Variants in MGST1 observed in about 807,000 individuals in gnomAD.
MGST1 encodes microsomal glutathione S-transferase 1, also known as glutathione S-transferase 12.
In MGST1, 5 loss-of-function variants were observed where a neutral mutation model predicts 8.9. The ratio of observed to expected loss-of-function variants is 0.56; its 90% CI spans 0.29 to 1.19. The LOEUF is 1.19. MGST1 is among the 50% of genes most tolerant of loss of function. MGST1 has a pLI of 0.08. For missense variants in MGST1, 182 were observed against 187.4 expected, an observed-to-expected ratio of 0.97 and a Z score of 0.17; for synonymous variants, 54 against 67.8, an observed-to-expected ratio of 0.80 and a Z score of 1.00.
intron 1 of MGST1, chr12:16,399,960 C>T (rs186663357): frequency 5.4e-5 from 72 of 1,339,108 alleles, no homozygotes; most frequent in East Asian, 2.5e-4. Flanking sequence ...CATTTACCAG[C>T]GCACTACTAG....
intron 4 of MGST1, among the ~76,000 whole-genome samples, chr12:16,535,927 A>T (rs982580523): frequency 2.0e-5 from 3 of 152,188 alleles, no homozygotes; most frequent in Non-Finnish European, 4.4e-5. Context: ...GTTGATAAGC[A>T]TTTTTTATCT....
chr12:16,387,255 T>C (rs1195322710), intron 1 of MGST1, among the ~76,000 whole-genome samples: 1 of 152,164 alleles, frequency 6.6e-6, no homozygotes, highest in Non-Finnish European at 1.5e-5. Context: ...TGATGGAGCA[T>C]ATATATGGCT....
At chr12:16,575,759 C>T (rs1314237200) in intron 4 of MGST1, among the ~76,000 whole-genome samples, 1 of 152,128 alleles carries the variant, frequency 6.6e-6, no homozygotes, top group African/African-American at 2.4e-5. Flanking sequence ...TCACTACTAC[C>T]TCTTAAAGAT....
At chr12:16,465,185 C>G (rs1565459876) in intron 4 of MGST1, among the ~76,000 whole-genome samples, 1 of 152,182 alleles carries the variant, frequency 6.6e-6, no homozygotes, top group Non-Finnish European at 1.5e-5. Flanking sequence ...AAGAACTCTA[C>G]TGACTTGTAG....
rs777365034 is a variant in MGST1 at position 16,560,658 on chromosome 12, C to G, written n.483-28870C>G. ...AATACACAATGCTTTATGATGTACA[C>G]AAGTGGATTTTATCCTAGGTGTATG... On this transcript the variant is annotated intron_variant and non_coding_transcript_variant, in intron 4 of 4. Coordinates refer to the MGST1 transcript ENST00000538857. The surrounding 1 kb of genome is among the most constrained non-coding windows in gnomAD (Gnocchi z 5.0). The G allele has an allele frequency of 2.7e-5, 24 of 879,060 alleles. No individual in the cohort carries two copies. In the Middle Eastern group the frequency reaches 9.2e-4, roughly 34 times the overall value. The allele number at this position is 879,060 out of a possible 1,614,324, so 54.5% of individuals were successfully genotyped here. A position where few individuals can be genotyped will look rare whatever the true frequency, so the allele number is the denominator to read the frequency against.
At chr12:16,371,986 GA>G in intron 3 of MGST1, among the ~76,000 whole-genome samples, 1 of 152,092 alleles carries the variant, frequency 6.6e-6, no homozygotes, top group Non-Finnish European at 1.5e-5. Flanking sequence ...TCCACGTGCA[GA>G]AAAAGGAAAC....
At chr12:16,440,083 A>C (rs1184140964), downstream of MGST1, among the ~76,000 whole-genome samples, 1 of 151,846 alleles carries the variant, frequency 6.6e-6, no homozygotes, top group African/African-American at 2.4e-5. Flanking sequence ...CTGTCTTCTC[A>C]ACTCAACCAA....
intron 4 of MGST1, among the ~76,000 whole-genome samples, chr12:16,583,679 T>C (rs529310927): frequency 1.3e-5 from 2 of 152,340 alleles, no homozygotes; most frequent in Admixed American, 1.3e-4. Context: ...GTTATTTGCT[T>C]GTTTCTAGCA....
At chr12:16,531,739 G>T (rs990250844) in intron 4 of MGST1, among the ~76,000 whole-genome samples, 4 of 152,258 alleles carry the variant, frequency 2.6e-5, no homozygotes, top group Middle Eastern at 3.4e-3. Context: ...GTGTGACTTG[G>T]AAGAATGCCA....
intron 4 of MGST1, among the ~76,000 whole-genome samples, chr12:16,448,485 T>C (rs959908440): frequency 9.2e-5 from 14 of 151,740 alleles, no homozygotes; most frequent in African/African-American, 3.4e-4. Context: ...TCAAAAAATA[T>C]CAAGGTGGAA....
chr12:16,484,500 A>T (rs1941385785), intron 4 of MGST1, among the ~76,000 whole-genome samples: 1 of 152,196 alleles, frequency 6.6e-6, no homozygotes, highest in Admixed American at 6.5e-5. Context: ...TGGGTAATTT[A>T]TAAAGAAAAC....
In MGST1 at chr12:16,361,709, C is replaced by T. The variant is rs1007395119; in HGVS notation, c.222-2086C>T. On this transcript the variant is annotated intron_variant, in intron 3 of 3. Transcript: ENST00000396210. The surrounding 1 kb of genome is among the most constrained non-coding windows in gnomAD (Gnocchi z 4.2). ...AGAGTCTCAAAAGAAGTACAAAATA[C>T]AGCATAAATTGGCATAAGTATGAGG... Among the ~76,000 whole-genome samples, 3 of 152,116 alleles carry T rather than the reference C, an allele frequency of 2.0e-5. No individual in the cohort carries two copies. Among genetic ancestry groups the T allele is most frequent in the Non-Finnish European group, 4.4e-5 (3 of 68,032 alleles).
At chr12:16,485,620 C>T (rs1174358407) in intron 4 of MGST1, among the ~76,000 whole-genome samples, 1 of 152,038 alleles carries the variant, frequency 6.6e-6, no homozygotes, top group Non-Finnish European at 1.5e-5. Flanking sequence ...TTCTGGAACT[C>T]CAATAATTAA....
downstream of MGST1, among the ~76,000 whole-genome samples, chr12:16,442,042 G>A (rs1380475478): frequency 6.6e-6 from 1 of 151,764 alleles, no homozygotes; most frequent in East Asian, 1.9e-4. The surrounding 1 kb of genome is among the most constrained non-coding windows in gnomAD (Gnocchi z 4.5). Flanking sequence ...TGTTTTTGAA[G>A]TTTGCATTTC....
At chr12:16,378,047 C>A (rs1345701562), downstream of MGST1, among the ~76,000 whole-genome samples, 4 of 151,666 alleles carry the variant, frequency 2.6e-5, no homozygotes, top group African/African-American at 9.7e-5. Flanking sequence ...TGGATATTAG[C>A]CCTTTGTCAG....
rs147977031 is a variant in MGST1 at position 16,395,200 on chromosome 12, T to C, written n.778+11596T>C. Reference sequence around the variant, plus strand: ...CATAATGCTGGGGAAGGATTTTTTATATATATATTAGAAGGTAGGGATCCA... The same window carrying C: ...CATAATGCTGGGGAAGGATTTTTTACATATATATTAGAAGGTAGGGATCCA... On this transcript the variant is annotated intron_variant and non_coding_transcript_variant, in intron 1 of 1. Transcript: ENST00000359720. 2.8e-3 allele frequency among the ~76,000 whole-genome samples: 425 copies of C among 152,134 alleles called. 2 individuals are homozygous for C. Among genetic ancestry groups the C allele is most frequent in the Middle Eastern group, 0.014 (4 of 294 alleles).
chr12:16,591,481 T>A (rs532254060), downstream of MGST1, among the ~76,000 whole-genome samples: 1 of 152,004 alleles, frequency 6.6e-6, no homozygotes, highest in African/African-American at 2.4e-5. The surrounding 1 kb of genome is among the most constrained non-coding windows in gnomAD (Gnocchi z 4.1). Context: ...GTTGATTACC[T>A]ATTTCCCCTA....
At chr12:16,501,965 A>T (rs1329667820) in intron 4 of MGST1, among the ~76,000 whole-genome samples, 1 of 152,176 alleles carries the variant, frequency 6.6e-6, no homozygotes, top group Non-Finnish European at 1.5e-5. Context: ...CTGGAGTACA[A>T]ATAATAAACT....
intron 4 of MGST1, among the ~76,000 whole-genome samples, chr12:16,588,660 A>G (rs1258803694): frequency 1.3e-5 from 2 of 152,270 alleles, no homozygotes; most frequent in East Asian, 1.9e-4. Context: ...CCAAATTCCA[A>G]TAATCTCCAG....
Sources: gnomAD v4.1 joint callset for allele counts (sites outside exome capture counted in the v4.1 genomes callset) on GRCh38, gnomAD v4.1.1 for gene constraint, Gnocchi (gnomAD v3.1) non-coding constraint, MANE v1.5 for transcripts, NCBI Gene and HGNC (gene_info 2026-07-23, HGNC 2026-07-21) for gene names.